DPF2: variants seen among roughly 807,000 people sequenced by gnomAD.
The protein encoded by DPF2 is zinc finger protein ubi-d4.
A neutral mutation model predicts 59.6 loss-of-function variants in DPF2; 10 were observed. The observed-to-expected ratio is 0.17, with a 90% CI of 0.10 to 0.28. The LOEUF (loss-of-function observed/expected upper bound fraction) is 0.28. DPF2 is among the 10% of genes least tolerant of loss of function. The probability of loss-of-function intolerance (pLI) is 1.00; values close to 1 mark genes in which losing one functional copy is unlikely to be tolerated. For synonymous variants in DPF2, 189 were observed against 190.6 expected, an observed-to-expected ratio of 0.99 and a Z score of 0.07; for missense variants, 315 against 509.4, an observed-to-expected ratio of 0.62 and a Z score of 3.67.
At position 65,343,815 on chromosome 11, in the gene DPF2, G is replaced by T; in HGVS notation, c.536G>T (p.Arg179Leu). 6.3e-7 allele frequency: 1 copy of T among 1,587,536 alleles called. No individual in the cohort carries two copies. Among genetic ancestry groups the T allele is most frequent in the Middle Eastern group, 1.8e-4 (1 of 5,500 alleles). The stretch of plus-strand genomic sequence containing the variant: ...GACTATGAAGAAGATACTCCCAAGC[G>T]TCGGGGAAAGGGGAAATCCAAGGTG... Reference protein sequence around the residue: ...DEDYEEDTPKRRGKGKSKGKG... With the variant: ...DEDYEEDTPKLRGKGKSKGKG... The change falls in exon 5 of 11, where the codon CGT becomes CTT. Residue 179 changes from arginine (R) to leucine (L), a missense_variant. This residue lies in a region of DPF2 where 228 missense variants were observed against 275.3 expected (regional missense o/e 0.83). Transcript: ENST00000528416.
intron 1 of DPF2, among the ~76,000 whole-genome samples, chr11:65,339,713 T>C (rs1854307492): frequency 6.6e-6 from 1 of 152,232 alleles, no homozygotes; most frequent in Non-Finnish European, 1.5e-5. Context: ...ACCTGCAGTT[T>C]CTTTTCCATT....
At chr11:65,350,995 T>A (rs1160692983) in intron 10 of DPF2, among the ~76,000 whole-genome samples, 1 of 146,932 alleles carries the variant, frequency 6.8e-6, no homozygotes, top group East Asian at 2.0e-4. Context: ...AAAAAAAAAA[T>A]AAAGGGAGTT....
chr11:65,350,129 G>A (rs1854650122), intron 10 of DPF2, among the ~76,000 whole-genome samples: 1 of 152,126 alleles, frequency 6.6e-6, no homozygotes, highest in Non-Finnish European at 1.5e-5. Flanking sequence ...GATGATCTAT[G>A]TTACAGAATG....
In DPF2 at chr11:65,336,242, A is replaced by G. The variant is rs528339251; in HGVS notation, c.32+2324A>G. Among the ~76,000 whole-genome samples the G allele has an allele frequency of 8.3e-4, 126 of 152,220 alleles. 1 individual carries two copies. Among genetic ancestry groups the G allele is most frequent in the Non-Finnish European group, 6.6e-4 (45 of 68,010 alleles). ...TGCAGTGGCTTACGCCTATAATCCC[A>G]ACACTTTGGGAGGTTGAGGCAGGCA... On this transcript the variant is annotated intron_variant, in intron 1 of 10. Transcript: ENST00000528416.
At chr11:65,344,146 T>A in intron 6 of DPF2, 77 bp downstream of exon 6, 1 of 1,474,614 alleles carries the variant, frequency 6.8e-7, no homozygotes, top group Non-Finnish European at 9.4e-7. Context: ...GAGGGAGGGT[T>A]GTGTTTTTGC....
At chr11:65,338,092 C>T (rs1227821983) in intron 1 of DPF2, among the ~76,000 whole-genome samples, 2 of 152,160 alleles carry the variant, frequency 1.3e-5, no homozygotes, top group South Asian at 2.1e-4. Flanking sequence ...TGAGCCACTG[C>T]GCCAGGCCTT....
chr11:65,334,808 T>TA (rs1460792578), intron 1 of DPF2, among the ~76,000 whole-genome samples: 2 of 152,100 alleles, frequency 1.3e-5, no homozygotes, highest in Non-Finnish European at 2.9e-5. Context: ...TTTTAATGGG[T>TA]ATGTTGGGCT....
At chr11:65,340,079 G>C (rs141391426) in intron 1 of DPF2, among the ~76,000 whole-genome samples, 1,788 of 152,280 alleles carry the variant, frequency 0.012, 36 homozygotes, top group African/African-American at 0.041. Context: ...CTAGCACAGG[G>C]GTGGGCTTGT....
Position 65,337,711 on chromosome 11 carries a change from C to T in DPF2, c.33-2674C>T, listed in dbSNP as rs186649762. ...CTCAACTTCCTAGGCTCAAATGATTCCCCTACCTCATCCGCCCCAGGGGCT... is the reference window on the plus strand; with the variant it reads ...CTCAACTTCCTAGGCTCAAATGATTTCCCTACCTCATCCGCCCCAGGGGCT... On this transcript the variant is annotated intron_variant, in intron 1 of 10. Transcript: ENST00000528416. Among the ~76,000 whole-genome samples, 520 of 151,702 alleles carry T rather than the reference C, an allele frequency of 3.4e-3. 2 individuals carry two copies. Among genetic ancestry groups the T allele is most frequent in the Middle Eastern group, 6.8e-3 (2 of 294 alleles).
intron 1 of DPF2, among the ~76,000 whole-genome samples, chr11:65,337,502 TATAGAGAGAGAGAG>T (rs1175001716): frequency 5.1e-4 from 17 of 33,106 alleles, no homozygotes; most frequent in African/African-American, 1.2e-3. Context: ...TATATATATA[TATAGAGAGAGAGAG>T]AGAGAGAGAG....
chr11:65,340,355 A>C (rs373715640), intron 1 of DPF2, 30 bp from the exon 2 acceptor site: 1 of 1,611,696 alleles, frequency 6.2e-7, no homozygotes, highest in African/African-American at 1.3e-5. Flanking sequence ...CCGCTCCAAC[A>C]TACACGCCTG....
intron 10 of DPF2, 94 bp from the exon 11 acceptor site, chr11:65,351,589 T>C: frequency 9.3e-7 from 1 of 1,069,762 alleles, no homozygotes; most frequent in Non-Finnish European, 1.4e-6. Context: ...CTGTAGCTGA[T>C]CCTGCTATAG....
chr11:65,337,093 G>A (rs975325795), intron 1 of DPF2, among the ~76,000 whole-genome samples: 4 of 152,102 alleles, frequency 2.6e-5, no homozygotes, highest in Non-Finnish European at 5.9e-5. Context: ...GTCTTTAAGC[G>A]TTCTTACTAG....
rs629710 is a variant in DPF2, at chr11:65,341,762, A to C, written c.465+200A>C. 0.66 allele frequency: 397,831 copies of C among 603,258 alleles called. 137,912 individuals are homozygous for C. The highest frequency in any genetic ancestry group is 0.73 in the Non-Finnish European group (262,516 of 360,342). 37.4% of individuals were successfully genotyped at this position (603,258 alleles called of 1,614,324 possible). The stretch of plus-strand genomic sequence containing the variant: ...TGCTTCTAACTATAGACTCTCATTC[A>C]TTCACTTTTATCACAGAAGGTTATT... On this transcript the variant is annotated intron_variant, in intron 4 of 10. Coordinates refer to ENST00000528416, the MANE Select transcript of DPF2 (RefSeq NM_006268.5).
In DPF2 at chr11:65,341,446, A is replaced by T. The variant is rs527745743; in HGVS notation, c.349A>T (p.Ser117Cys). 1.9e-6 allele frequency: 3 copies of T among 1,614,228 alleles called. No individual in the cohort carries two copies. The South Asian group carries it at 3.3e-5, about 18-fold the overall frequency. Reference sequence around the variant, plus strand: ...GGAGGGGCTGATCTCTCAGGATGGCAGTAGTTTAGAGGCTCTGTTGCGCAC... The same window carrying T: ...GGAGGGGCTGATCTCTCAGGATGGCTGTAGTTTAGAGGCTCTGTTGCGCAC... The part of the protein sequence containing the change: ...KKEGLISQDG[S>C]SLEALLRTDP... The change falls in exon 4 of 11, where the codon AGT becomes TGT. Residue 117 changes from serine to cysteine, a missense_variant. Physicochemically the swap from Ser to Cys is moderately radical, Grantham distance 112 (BLOSUM62 -1). Transcript: ENST00000528416.
At position 65,352,922 on chromosome 11, in the gene DPF2, T is replaced by C. The variant is rs1236995299; in HGVS notation, c.*1163T>C. The C allele has an allele frequency of 1.3e-5, 2 of 152,216 alleles. No homozygotes were observed. Among genetic ancestry groups the C allele is most frequent in the African/African-American group, 2.4e-5 (1 of 41,412 alleles). The allele number at this position is 152,216 out of a possible 1,614,324, so 9.4% of individuals were successfully genotyped here. A position where few individuals can be genotyped will look rare whatever the true frequency, so the allele number is the denominator to read the frequency against. ...GCTTTGGAGTTGAGGTGTCTTTTTT[T>C]TTTCTTTCTTTAGTTCCTGTATTCT... is the stretch of plus-strand genomic sequence containing the variant. On this transcript the variant is annotated 3_prime_UTR_variant, in exon 11 of 11. Transcript: ENST00000528416.
At position 65,340,814 on chromosome 11, in the gene DPF2, A is replaced by G. The variant is rs970620333; in HGVS notation, c.194-152A>G. On this transcript the variant is annotated intron_variant, in intron 2 of 10. Transcript: ENST00000528416. Reference sequence around the variant, plus strand: ...GCTTATATATCTATTTTTCTTTTCCACAGACTATTCCACCTAACCCCCTAG... The same window carrying G: ...GCTTATATATCTATTTTTCTTTTCCGCAGACTATTCCACCTAACCCCCTAG... 4 of 859,306 alleles carry G rather than the reference A, an allele frequency of 4.7e-6. No individual in the cohort carries two copies. The Admixed American group carries it at 8.7e-5, about 19-fold the overall frequency. 53.2% of individuals were successfully genotyped at this position (859,306 alleles called of 1,614,324 possible). A position where few individuals can be genotyped will look rare whatever the true frequency, so the allele number is the denominator to read the frequency against.
At chr11:65,343,945 A>G (rs759100794) in intron 5 of DPF2, 46 bp from the exon 6 acceptor site, 4 of 1,612,534 alleles carry the variant, frequency 2.5e-6, no homozygotes, top group Non-Finnish European at 3.4e-6. Context: ...CTAACTCCTC[A>G]GGCCCAGCTA....
At chr11:65,343,724 C>A in intron 4 of DPF2, 21 bp from the exon 5 acceptor site, 1 of 1,575,414 alleles carries the variant, frequency 6.3e-7, no homozygotes. Flanking sequence ...TCTACCCATG[C>A]TAACCCTCCT....
Sources: gnomAD v4.1 joint callset for allele counts (sites outside exome capture counted in the v4.1 genomes callset) on GRCh38, gnomAD v4.1.1 for gene constraint, gnomAD v4.1.1 regional missense constraint, MANE v1.5 for transcripts, NCBI Gene and HGNC (gene_info 2026-07-23, HGNC 2026-07-21) for gene names.